DPYD: variants seen among roughly 807,000 people sequenced by gnomAD.
The protein encoded by DPYD is dihydropyrimidine dehydrogenase.
A neutral mutation model predicts 116.2 loss-of-function variants in DPYD; 109 were observed. The ratio of observed to expected loss-of-function variants is 0.94; its 90% CI spans 0.80 to 1.10. The LOEUF (loss-of-function observed/expected upper bound fraction) is 1.10. Ranked by LOEUF, DPYD falls within the 50% of genes least tolerant of loss-of-function variation. The pLI is 0.00. For synonymous variants in DPYD, 440 were observed against 432.0 expected (o/e 1.02, Z -0.23); for missense variants, 1,302 against 1,254.5 (o/e 1.04, Z -0.57).
intron 3 of DPYD, among the ~76,000 whole-genome samples, chr1:97,823,510 G>C (rs984097267): frequency 6.6e-6 from 1 of 152,092 alleles, no homozygotes; most frequent in South Asian, 2.1e-4. Flanking sequence ...ACTCTCCCAA[G>C]CTTCTGGTAA....
At chr1:97,601,648 T>G (rs1041505547) in intron 8 of DPYD, among the ~76,000 whole-genome samples, 1 of 151,998 alleles carries the variant, frequency 6.6e-6, no homozygotes, top group Non-Finnish European at 1.5e-5. Context: ...TCAAAGGATT[T>G]ATGTCTTACT....
At chr1:97,178,009 G>T (rs1294862248) in intron 20 of DPYD, among the ~76,000 whole-genome samples, 2 of 152,042 alleles carry the variant, frequency 1.3e-5, no homozygotes, top group Non-Finnish European at 2.9e-5. Flanking sequence ...TAATTTTATT[G>T]CCTTCCAAAG....
At chr1:97,540,263 A>AT (rs1202257410) in intron 12 of DPYD, among the ~76,000 whole-genome samples, 2 of 133,338 alleles carry the variant, frequency 1.5e-5, no homozygotes, top group Non-Finnish European at 3.1e-5. Flanking sequence ...ATAAACTGGG[A>AT]TTCCCACAAC....
intron 14 of DPYD, among the ~76,000 whole-genome samples, chr1:97,406,376 CA>C (rs1391476872): frequency 3.5e-5 from 5 of 144,372 alleles, no homozygotes; most frequent in Non-Finnish European, 7.6e-5. Flanking sequence ...TCTTTTTCTT[CA>C]GACATCAGGA....
intron 3 of DPYD, among the ~76,000 whole-genome samples, chr1:97,824,047 T>C (rs927285026): frequency 2.0e-5 from 3 of 152,144 alleles, no homozygotes; most frequent in Admixed American, 6.6e-5. Flanking sequence ...AGACACTATT[T>C]GTTTTAAATA....
At chr1:97,374,937 G>A (rs1039955438) in intron 15 of DPYD, among the ~76,000 whole-genome samples, 4 of 149,286 alleles carry the variant, frequency 2.7e-5, no homozygotes, top group African/African-American at 9.9e-5. Context: ...GCTGAGGCAG[G>A]AGAATCGCTT....
chr1:97,893,797 G>T (rs532132181), intron 1 of DPYD, among the ~76,000 whole-genome samples: 1 of 151,616 alleles, frequency 6.6e-6, no homozygotes, highest in African/African-American at 2.4e-5. Flanking sequence ...GTCTGTCTTT[G>T]CAAGGCCCAG....
At chr1:97,174,955 A>G (rs996725762) in intron 20 of DPYD, among the ~76,000 whole-genome samples, 4 of 152,166 alleles carry the variant, frequency 2.6e-5, no homozygotes, top group African/African-American at 9.7e-5. Context: ...TAAACTCCAC[A>G]TAAATGAAAT....
intron 13 of DPYD, among the ~76,000 whole-genome samples, chr1:97,491,786 G>A (rs1384128928): frequency 6.6e-6 from 1 of 151,974 alleles, no homozygotes; most frequent in Non-Finnish European, 1.5e-5. Context: ...AGATGAAAAG[G>A]GGGTTGCTAT....
intron 1 of DPYD, among the ~76,000 whole-genome samples, chr1:97,915,752 G>A (rs1490933744): frequency 6.6e-6 from 1 of 152,086 alleles, no homozygotes; most frequent in East Asian, 1.9e-4. Flanking sequence ...AGGACTGAAG[G>A]GCTCTGCAAC....
chr1:97,867,357 T>C (rs1275651511), intron 2 of DPYD, among the ~76,000 whole-genome samples: 2 of 151,858 alleles, frequency 1.3e-5, no homozygotes, highest in East Asian at 1.9e-4. Flanking sequence ...AAGAACCATA[T>C]GAATAATTGT....
intron 13 of DPYD, among the ~76,000 whole-genome samples, chr1:97,475,012 G>C (rs1425021573): frequency 1.3e-5 from 2 of 151,962 alleles, no homozygotes; most frequent in African/African-American, 2.4e-5. Context: ...ATGTAATAAA[G>C]GTTAATAATA....
chr1:97,719,182 A>C (rs1210418078), intron 5 of DPYD, among the ~76,000 whole-genome samples: 1 of 150,558 alleles, frequency 6.6e-6, no homozygotes, highest in Non-Finnish European at 1.5e-5. Flanking sequence ...AAAAAAAAAA[A>C]AAAAAAAGCA....
chr1:97,810,519 T>C (rs1039312739), intron 3 of DPYD, among the ~76,000 whole-genome samples: 5 of 151,874 alleles, frequency 3.3e-5, no homozygotes, highest in African/African-American at 1.2e-4. Flanking sequence ...ACCAATACAG[T>C]TCCCTATCCA....
chr1:97,649,285 G>A (rs1437556784), intron 8 of DPYD, among the ~76,000 whole-genome samples: 2 of 151,962 alleles, frequency 1.3e-5, no homozygotes, highest in Non-Finnish European at 2.9e-5. Flanking sequence ...AGCTCTCAAG[G>A]TGATCATGAC....
At chr1:97,247,368 T>C (rs1377706219) in intron 18 of DPYD, among the ~76,000 whole-genome samples, 2 of 152,160 alleles carry the variant, frequency 1.3e-5, no homozygotes, top group Admixed American at 1.3e-4. Context: ...AGCATGAGGA[T>C]ATGGAGCAAT....
intron 13 of DPYD, among the ~76,000 whole-genome samples, chr1:97,468,994 T>C (rs577909178): frequency 8.3e-4 from 127 of 152,288 alleles, no homozygotes; most frequent in African/African-American, 2.9e-3. Context: ...TAAAACATGA[T>C]TGCACTTTTG....
At chr1:97,917,192 T>C (rs1674259979) in intron 1 of DPYD, among the ~76,000 whole-genome samples, 1 of 152,224 alleles carries the variant, frequency 6.6e-6, no homozygotes, top group Non-Finnish European at 1.5e-5. Flanking sequence ...AAATGACTGA[T>C]GCTTACACAT....
At chr1:97,720,996 C>A in intron 5 of DPYD, 2 of 1,566,038 alleles carry the variant, frequency 1.3e-6, no homozygotes, top group Non-Finnish European at 1.7e-6. Flanking sequence ...AAATAAAAGA[C>A]CTGCTTCCAA....
Sources: allele counts gnomAD v4.1 joint callset (sites outside exome capture counted in the v4.1 genomes callset), GRCh38; gene constraint gnomAD v4.1.1; transcripts MANE v1.5; gene names NCBI Gene and HGNC (gene_info 2026-07-23, HGNC 2026-07-21).